Variants in PSD4 observed in about 807,000 individuals in gnomAD.
PSD4 encodes the protein pleckstrin and Sec7 domain containing 4, also known as PH and SEC7 domain-containing protein 4.
In PSD4, 59 loss-of-function variants were observed where a neutral mutation model predicts 112.5. The ratio of observed to expected loss-of-function variants is 0.52; its 90% confidence interval spans 0.43 to 0.65. PSD4 has a LOEUF of 0.65. Ranked by LOEUF, PSD4 falls within the 30% of genes least tolerant of loss-of-function variation. PSD4 has a pLI of 0.00. For missense variants in PSD4, 1,267 were observed against 1,352.6 expected, an observed-to-expected ratio of 0.94 and a Z score of 0.99; for synonymous variants, 533 against 540.0, an observed-to-expected ratio of 0.99 and a Z score of 0.18.
At chr2:113,196,488 T>A in intron 12 of PSD4, 181 bp downstream of exon 12, 1 of 758,976 alleles carries the variant, frequency 1.3e-6, no homozygotes, top group Non-Finnish European at 2.0e-6. Flanking sequence ...TGTGAGGCAC[T>A]AGAGGGTAGG....
chr2:113,185,281 T>G, intron 3 of PSD4, 84 bp from the exon 4 acceptor site: 1 of 1,579,390 alleles, frequency 6.3e-7, no homozygotes, highest in South Asian at 1.1e-5. Flanking sequence ...TCCCCTCCTT[T>G]CCCCTTCTCC....
chr2:113,179,164 C>G (rs896672896), intron 1 of PSD4, among the ~76,000 whole-genome samples: 2 of 152,136 alleles, frequency 1.3e-5, no homozygotes, highest in Non-Finnish European at 2.9e-5. Context: ...GGTGTTTTCC[C>G]TAGTATAGAC....
chr2:113,183,519 C>T lies in PSD4; in HGVS notation c.1056+7C>T. The T allele has an allele frequency of 6.4e-7, 1 of 1,554,074 alleles. No homozygotes were observed. Among genetic ancestry groups the T allele is most frequent in the Non-Finnish European group, 8.7e-7 (1 of 1,154,100 alleles). On this transcript the variant is annotated splice_region_variant and intron_variant, in intron 2 of 16. Transcript: ENST00000245796. The stretch of plus-strand genomic sequence containing the variant: ...TGGTCACGGGGAGAGTGAGGTAAGC[C>T]CAGTCTTGGGAACCAACCGGGGCTG...
chr2:113,179,064 G>A (rs944615820), intron 1 of PSD4, among the ~76,000 whole-genome samples: 2 of 152,296 alleles, frequency 1.3e-5, no homozygotes, highest in East Asian at 1.9e-4. Context: ...TTGAGGAGGC[G>A]CAGTGGGATG....
intron 3 of PSD4, 81 bp downstream of exon 3, chr2:113,185,154 C>A: frequency 6.3e-7 from 1 of 1,599,078 alleles, no homozygotes; most frequent in South Asian, 1.1e-5. Context: ...CAGGGCCTAG[C>A]ACCAACAATC....
At position 113,204,080 on chromosome 2, in the gene PSD4, CATGTG is replaced by C. The variant is rs1444988048; in HGVS notation, c.*2667_*2671del. On this transcript the variant is annotated 3_prime_UTR_variant, in exon 17 of 17. Coordinates refer to ENST00000245796, the MANE Select transcript of PSD4 (RefSeq NM_012455.3). Reference sequence around the variant, plus strand: ...TCTGGGTTGTGGGCTGCAGTTATGACATGTGACCACTTGGAGGCAGGCTTGCATCT... The same window carrying C: ...TCTGGGTTGTGGGCTGCAGTTATGACACCACTTGGAGGCAGGCTTGCATCT... The C allele has an allele frequency of 6.6e-6, 1 of 152,336 alleles. No individual in the cohort carries two copies. Among genetic ancestry groups the C allele is most frequent in the East Asian group, 1.9e-4 (1 of 5,194 alleles). 9.4% of individuals were successfully genotyped at this position (152,336 alleles called of 1,614,324 possible).
chr2:113,187,719 T>A (rs760358849), intron 5 of PSD4, among the ~76,000 whole-genome samples: 14 of 152,158 alleles, frequency 9.2e-5, no homozygotes, highest in Non-Finnish European at 1.9e-4. Context: ...ACACAGGAAG[T>A]TGAACCAGTA....
At position 113,199,076 on chromosome 2, in the gene PSD4, C is replaced by T; in HGVS notation, c.2770-7C>T. On this transcript the variant is annotated splice_region_variant and splice_polypyrimidine_tract_variant and intron_variant, in intron 15 of 16. Transcript: ENST00000245796. ...GGACAGCGCCCCTCACCGCCCGCTG[C>T]TCGCAGGAGGAGCAGCATCGATCCC... 2.0e-6 allele frequency: 3 copies of T among 1,524,612 alleles called. 1 individual carries two copies. The highest frequency in any genetic ancestry group is 1.2e-5 in the South Asian group (1 of 82,394). The allele number at this position is 1,524,612 out of a possible 1,614,324, so 94.4% of individuals were successfully genotyped here.
intron 2 of PSD4, among the ~76,000 whole-genome samples, chr2:113,184,560 G>A (rs1688238176): frequency 6.6e-6 from 1 of 151,944 alleles, no homozygotes; most frequent in African/African-American, 2.4e-5. Context: ...TTTTAGTAGA[G>A]ATAGGTTTCA....
rs570093616 is a variant in PSD4, at chr2:113,184,721, A to G, written c.1057-236A>G. On this transcript the variant is annotated intron_variant, in intron 2 of 16. Coordinates refer to ENST00000245796, the MANE Select transcript of PSD4 (RefSeq NM_012455.3). ...TCTCAGAGGGAAGCCTGGGAACGCT[A>G]TAAGTTGCAGGTTGGCTCCTGTCTG... Among the ~76,000 whole-genome samples the G allele has an allele frequency of 6.6e-5, 10 of 152,232 alleles. No individual in the cohort carries two copies. The East Asian group carries it at 7.8e-4, about 12-fold the overall frequency.
At chr2:113,187,035 G>T (rs568067235) in intron 5 of PSD4, among the ~76,000 whole-genome samples, 1 of 152,196 alleles carries the variant, frequency 6.6e-6, no homozygotes, top group Non-Finnish European at 1.5e-5. Flanking sequence ...AGGGTTCCCC[G>T]AGCTCAGCGC....
At chr2:113,177,555 C>G (rs1375838370) in intron 1 of PSD4, among the ~76,000 whole-genome samples, 2 of 152,186 alleles carry the variant, frequency 1.3e-5, no homozygotes, top group Non-Finnish European at 2.9e-5. Context: ...CACACCAGCT[C>G]AAGTCACAGG....
chr2:113,177,104 C>A (rs1688000456), intron 1 of PSD4, among the ~76,000 whole-genome samples: 1 of 152,226 alleles, frequency 6.6e-6, no homozygotes, highest in Non-Finnish European at 1.5e-5. Context: ...GCCTGGGAGC[C>A]AAGACCCACA....
chr2:113,193,164 A>T (rs1357421142), intron 7 of PSD4, 36 bp downstream of exon 7: 1 of 1,608,428 alleles, frequency 6.2e-7, no homozygotes, highest in Non-Finnish European at 8.5e-7. Context: ...GAGGCTGTGG[A>T]GGATGGCATG....
rs1688904133 is a variant in PSD4, at chr2:113,208,979, G to A, written c.*7564G>A. The stretch of plus-strand genomic sequence containing the variant: ...GGTGACCACCTTGGATCTTCCTGCA[G>A]GACACAGCCCAGAGAAACTGAGCCT... On this transcript the variant is annotated 3_prime_UTR_variant, in exon 17 of 17. Coordinates refer to ENST00000245796, the MANE Select transcript of PSD4 (RefSeq NM_012455.3). 1.3e-5 allele frequency: 2 copies of A among 152,214 alleles called. No homozygotes were observed. The highest frequency in any genetic ancestry group is 4.1e-4 in the South Asian group (2 of 4,834). The allele number at this position is 152,214 out of a possible 1,614,324, so 9.4% of individuals were successfully genotyped here.
rs1190033518 is a variant in PSD4, at chr2:113,186,117, G to C, written c.1490G>C (p.Gly497Ala). The C allele has an allele frequency of 1.9e-6, 3 of 1,614,094 alleles. No homozygotes were observed. The highest frequency in any genetic ancestry group is 2.5e-6 in the Non-Finnish European group (3 of 1,180,050). The change falls in exon 5 of 17, where the codon GGG becomes GCG. Residue 497 changes from glycine to alanine, a missense_variant. Around this residue, in one of 2 missense-constraint regions of PSD4, gnomAD observed 723 missense variants for 704.0 expected, o/e 1.03. Coordinates refer to ENST00000245796, the MANE Select transcript of PSD4 (RefSeq NM_012455.3). ...CAGTCTTCACTCTTGGAGACGGATGGGGAACAGCCAAGTTCCTTGAAGAAA... is the reference window on the plus strand; with the variant it reads ...CAGTCTTCACTCTTGGAGACGGATGCGGAACAGCCAAGTTCCTTGAAGAAA... ...ASQSSLLETD[G>A]EQPSSLKKKE...
At chr2:113,194,082 G>A in intron 10 of PSD4, 134 bp downstream of exon 10, 1 of 804,502 alleles carries the variant, frequency 1.2e-6, no homozygotes, top group Non-Finnish European at 1.9e-6. Context: ...TTTATTGAAG[G>A]GCTAGTAAAA....
rs572376591 is a variant in PSD4, at chr2:113,203,976, G to A, written c.*2561G>A. The A allele has an allele frequency of 3.9e-5, 6 of 152,354 alleles. No homozygotes were observed. The highest frequency in any genetic ancestry group is 2.6e-4 in the Admixed American group (4 of 15,306). 9.4% of individuals were successfully genotyped at this position (152,354 alleles called of 1,614,324 possible). ...CGGCACCTCTCTTTCACCTGAGCAC[G>A]TGGAATCTTCAGAGCCAGATGATGG... is the stretch of plus-strand genomic sequence containing the variant. On this transcript the variant is annotated 3_prime_UTR_variant, in exon 17 of 17. Transcript: ENST00000245796.
Position 113,204,086 on chromosome 2 carries a change from A to C in PSD4, c.*2671A>C, listed in dbSNP as rs1371986770. 1 of 152,250 alleles carries C rather than the reference A, an allele frequency of 6.6e-6. No homozygotes were observed. Among genetic ancestry groups the C allele is most frequent in the East Asian group, 1.9e-4 (1 of 5,192 alleles). 9.4% of individuals were successfully genotyped at this position (152,250 alleles called of 1,614,324 possible). On this transcript the variant is annotated 3_prime_UTR_variant, in exon 17 of 17. Coordinates refer to ENST00000245796, the MANE Select transcript of PSD4 (RefSeq NM_012455.3). ...TTGTGGGCTGCAGTTATGACATGTG[A>C]CCACTTGGAGGCAGGCTTGCATCTT...
Sources: gnomAD v4.1 joint callset for allele counts (sites outside exome capture counted in the v4.1 genomes callset) on GRCh38, gnomAD v4.1.1 for gene constraint, gnomAD v4.1.1 regional missense constraint, MANE v1.5 for transcripts, NCBI Gene and HGNC (gene_info 2026-07-23, HGNC 2026-07-21) for gene names.